Variants in LINGO1 observed in about 807,000 individuals in gnomAD.
The protein encoded by LINGO1 is leucine-rich repeat and immunoglobulin-like domain-containing nogo receptor-interacting protein 1.
A neutral mutation model predicts 37.3 loss-of-function variants in LINGO1; 11 were observed. The observed-to-expected ratio is 0.29, with a 90% confidence interval of 0.19 to 0.49. LINGO1 has a LOEUF of 0.49. Among genes scored for constraint, LINGO1 ranks in the 20% least tolerant of loss-of-function variants. The pLI is 0.99. For missense variants in LINGO1, 585 were observed against 878.2 expected (o/e 0.67, Z 4.22); for synonymous variants, 387 against 403.0 (o/e 0.96, Z 0.48).
intron 1 of LINGO1, among the ~76,000 whole-genome samples, chr15:77,740,376 C>A (rs2076250887): frequency 6.6e-6 from 1 of 152,184 alleles, no homozygotes; most frequent in African/African-American, 2.4e-5. Context: ...CATTCAAGGC[C>A]TTTCCTAGCC....
At chr15:77,762,394 A>G (rs2076486573) in intron 1 of LINGO1, among the ~76,000 whole-genome samples, 1 of 152,212 alleles carries the variant, frequency 6.6e-6, no homozygotes. Flanking sequence ...GGCCTCCTCC[A>G]GGAAGCCTAT....
intron 3 of LINGO1, among the ~76,000 whole-genome samples, chr15:77,642,271 G>A (rs1393090532): frequency 6.6e-6 from 1 of 152,194 alleles, no homozygotes; most frequent in African/African-American, 2.4e-5. Context: ...CCAGGGCTTG[G>A]TTCATCCTAG....
At chr15:77,786,112 C>T (rs1405552200) in intron 1 of LINGO1, among the ~76,000 whole-genome samples, 3 of 152,086 alleles carry the variant, frequency 2.0e-5, no homozygotes, top group African/African-American at 2.4e-5. Context: ...GAGACAGGAA[C>T]CAGCACCACC....
rs117443446 is a variant in LINGO1 at position 77,773,978 on chromosome 15, G to A, written c.-257+12891C>T. 9.3e-3 allele frequency among the ~76,000 whole-genome samples: 1,416 copies of A among 152,228 alleles called. 13 individuals carry two copies. Among genetic ancestry groups the A allele is most frequent in the Middle Eastern group, 0.027 (8 of 294 alleles). ...ACCAGGGCTCCAAAGGGGACACTGG[G>A]TCAGGAGTTCCTGGAAGGGAGCAGC... On this transcript the variant is annotated intron_variant, in intron 1 of 3. Coordinates refer to the LINGO1 transcript ENST00000561686.
At chr15:77,621,576 G>GT (rs963119400) in intron 1 of LINGO1, among the ~76,000 whole-genome samples, 1 of 152,204 alleles carries the variant, frequency 6.6e-6, no homozygotes, top group African/African-American at 2.4e-5. Flanking sequence ...CCAGGCCAGG[G>GT]GAGGGGCTGT....
intron 3 of LINGO1, among the ~76,000 whole-genome samples, chr15:77,659,452 C>T (rs1412774215): frequency 2.0e-5 from 3 of 152,226 alleles, no homozygotes; most frequent in Non-Finnish European, 2.9e-5. Flanking sequence ...ACAATGGACA[C>T]TCTTTCGGTT....
chr15:77,735,159 T>G (rs1160129707), intron 1 of LINGO1: 1 of 152,398 alleles, frequency 6.6e-6, no homozygotes, highest in Non-Finnish European at 1.5e-5. Flanking sequence ...TGGGCTTCCC[T>G]GTGTACTGGG....
intron 1 of LINGO1, among the ~76,000 whole-genome samples, chr15:77,805,725 C>T (rs532793729): frequency 1.3e-5 from 2 of 152,326 alleles, no homozygotes; most frequent in East Asian, 3.9e-4. Context: ...CATGCATTTC[C>T]TCCATGCGTT....
intron 2 of LINGO1, among the ~76,000 whole-genome samples, chr15:77,721,214 G>A (rs1288897982): frequency 2.7e-5 from 4 of 150,016 alleles, no homozygotes; most frequent in Admixed American, 1.3e-4. Context: ...CGTGAGACCC[G>A]GCCCTAACCC....
rs34255197 is a variant in LINGO1, at chr15:77,727,726, G to GT, written c.-195+7265dup. ...ATGGCTAAGATGATACATTTTATAT[G>GT]TTTTTTTTTTACCATAATTTAAAAA... is the stretch of plus-strand genomic sequence containing the variant. On this transcript the variant is annotated intron_variant, in intron 2 of 3. Coordinates refer to the LINGO1 transcript ENST00000561686. Among the ~76,000 whole-genome samples, 370 of 147,312 alleles carry GT rather than the reference G, an allele frequency of 2.5e-3. 2 individuals are homozygous for GT. The highest frequency in any genetic ancestry group is 7.3e-3 in the African/African-American group (289 of 39,828).
intron 1 of LINGO1, among the ~76,000 whole-genome samples, chr15:77,817,967 G>A (rs926988198): frequency 6.6e-6 from 1 of 152,172 alleles, no homozygotes; most frequent in African/African-American, 2.4e-5. Context: ...ATACTCCAGA[G>A]ACCCAGGTAG....
At chr15:77,679,179 G>A (rs1326397502) in intron 2 of LINGO1, among the ~76,000 whole-genome samples, 3 of 152,222 alleles carry the variant, frequency 2.0e-5, no homozygotes, top group African/African-American at 4.8e-5. Flanking sequence ...GGGATTATGG[G>A]TGTGAGCCAC....
intron 3 of LINGO1, among the ~76,000 whole-genome samples, chr15:77,642,991 C>G (rs1335232334): frequency 6.6e-6 from 1 of 152,200 alleles, no homozygotes; most frequent in African/African-American, 2.4e-5. Flanking sequence ...CTTGGTGCCT[C>G]TCCCCACACC....
intron 1 of LINGO1, among the ~76,000 whole-genome samples, chr15:77,757,553 A>G (rs538279426): frequency 6.6e-6 from 1 of 152,328 alleles, no homozygotes; most frequent in African/African-American, 2.4e-5. Flanking sequence ...TTTAATCTAA[A>G]AATATTAATA....
intron 1 of LINGO1, among the ~76,000 whole-genome samples, chr15:77,616,218 C>T (rs577901871): frequency 1.4e-4 from 22 of 152,308 alleles, no homozygotes; most frequent in African/African-American, 5.3e-4. Flanking sequence ...CGGTTGACTC[C>T]AAGCACACAC....
intron 1 of LINGO1, among the ~76,000 whole-genome samples, chr15:77,817,520 G>A (rs369675448): frequency 4.6e-5 from 7 of 152,172 alleles, no homozygotes; most frequent in South Asian, 2.1e-4. Flanking sequence ...GACAGGAGCC[G>A]GGCTTCCAAA....
In LINGO1 at chr15:77,615,802, C is replaced by A; in HGVS notation, c.105G>T (p.Leu35=). ...PILLLVLGSV[L]SGSATGCPPR... is the part of the protein sequence containing the mutation. ...GCGGGCAGCCCGTGGCCGAGCCTGACAGCACTGAGCCCAGCACCAGCAGGA... is the reference window on the plus strand; with the variant it reads ...GCGGGCAGCCCGTGGCCGAGCCTGAAAGCACTGAGCCCAGCACCAGCAGGA... Residue 35 remains leucine, a synonymous_variant, in exon 2 of 2, where the codon CTG becomes CTT. Transcript: ENST00000355300. 6.4e-7 allele frequency: 1 copy of A among 1,558,640 alleles called. No individual in the cohort carries two copies. Among genetic ancestry groups the A allele is most frequent in the Admixed American group, 1.8e-5 (1 of 54,694 alleles).
intron 1 of LINGO1, among the ~76,000 whole-genome samples, chr15:77,807,543 A>T (rs1400646389): frequency 6.6e-6 from 1 of 152,186 alleles, no homozygotes; most frequent in Admixed American, 6.5e-5. Context: ...CTGAGGCGCA[A>T]AGAGGCAAAA....
At chr15:77,767,578 C>T (rs1171142997) in intron 1 of LINGO1, among the ~76,000 whole-genome samples, 1 of 152,150 alleles carries the variant, frequency 6.6e-6, no homozygotes, top group Non-Finnish European at 1.5e-5. Context: ...ATGTCTGCTG[C>T]ACAGAGGATG....
Sources: allele counts gnomAD v4.1 joint callset (sites outside exome capture counted in the v4.1 genomes callset), GRCh38; gene constraint gnomAD v4.1.1; transcripts MANE v1.5; gene names NCBI Gene and HGNC (gene_info 2026-07-23, HGNC 2026-07-21).